CD164: variants seen among roughly 807,000 people sequenced by gnomAD.
CD164 encodes the protein sialomucin core protein 24.
In CD164, 11 loss-of-function variants were observed where a neutral mutation model predicts 24.6. The observed-to-expected ratio is 0.45, with a 90% CI of 0.28 to 0.74. The LOEUF (loss-of-function observed/expected upper bound fraction) is 0.74, where lower values mean the gene tolerates loss of function less well. Among genes scored for constraint, CD164 ranks in the 30% least tolerant of loss-of-function variants. The pLI is 0.13. For synonymous variants in CD164, 126 were observed against 100.3 expected, an observed-to-expected ratio of 1.26 and a Z score of -1.53; for missense variants, 295 against 243.7, an observed-to-expected ratio of 1.21 and a Z score of -1.40.
chr6:109,366,885 C>CA lies in CD164; in HGVS notation c.*1965dup, dbSNP rs1562232809. 3 of 152,174 alleles carry CA rather than the reference C, an allele frequency of 2.0e-5. No homozygotes were observed. Among genetic ancestry groups the CA allele is most frequent in the African/African-American group, 7.2e-5 (3 of 41,412 alleles). 9.4% of individuals were successfully genotyped at this position (152,174 alleles called of 1,614,324 possible). On this transcript the variant is annotated 3_prime_UTR_variant, in exon 6 of 6. Coordinates refer to ENST00000310786, the MANE Select transcript of CD164 (RefSeq NM_006016.6). ...TTATGCTTGTTGTTAGAGCAGTGCT[C>CA]AAAATTACAGAAGCTTCAAATTGTT... is the stretch of plus-strand genomic sequence containing the variant.
In CD164 at chr6:109,368,449, TCTC is replaced by T; in HGVS notation, c.*399_*401del. 7.2e-7 allele frequency: 1 copy of T among 1,395,484 alleles called. No homozygotes were observed. The allele number at this position is 1,395,484 out of a possible 1,614,324, so 86.4% of individuals were successfully genotyped here. A position where few individuals can be genotyped will look rare whatever the true frequency, so the allele number is the denominator to read the frequency against. ...ACAGCCAAAAATCCACCTAATTGAT[TCTC>T]ATTTGGCACGTTCTTCTCAATTCTG... On this transcript the variant is annotated 3_prime_UTR_variant, in exon 6 of 6. Coordinates refer to ENST00000310786, the MANE Select transcript of CD164 (RefSeq NM_006016.6).
intron 4 of CD164, among the ~76,000 whole-genome samples, chr6:109,373,707 C>A (rs553030938): frequency 1.3e-5 from 2 of 152,338 alleles, no homozygotes; most frequent in South Asian, 4.1e-4. Context: ...TCTCCAAACA[C>A]CTCTGGTTTC....
chr6:109,381,585 G>A (rs1771750494), intron 1 of CD164: 3 of 702,422 alleles, frequency 4.3e-6, no homozygotes. Context: ...ATACTTTGAA[G>A]TGTGAAGTTT....
chr6:109,376,450 A>G lies in CD164; in HGVS notation c.332-338T>C, dbSNP rs947835003. On this transcript the variant is annotated intron_variant, in intron 3 of 5. Coordinates refer to ENST00000310786, the MANE Select transcript of CD164 (RefSeq NM_006016.6). Reference sequence around the variant, plus strand: ...TTCTTCATCCTGCTGGCAGGAAAATAATCAATGTGATGGCTGGAACATAAG... The same window carrying G: ...TTCTTCATCCTGCTGGCAGGAAAATGATCAATGTGATGGCTGGAACATAAG... Among the ~76,000 whole-genome samples the G allele has an allele frequency of 1.1e-4, 17 of 152,342 alleles. No homozygotes were observed. The South Asian group carries it at 3.1e-3, about 28-fold the overall frequency.
chr6:109,368,603 C>T lies in CD164; in HGVS notation c.*248G>A. On this transcript the variant is annotated 3_prime_UTR_variant, in exon 6 of 6. Coordinates refer to ENST00000310786, the MANE Select transcript of CD164 (RefSeq NM_006016.6). ...GTTAAGGAAAAAAAATATAATCCCA[C>T]AGCAGCAGCTATTTAAAATAAGACA... The T allele has an allele frequency of 7.4e-7, 1 of 1,348,728 alleles. No individual in the cohort carries two copies. The highest frequency in any genetic ancestry group is 9.5e-7 in the Non-Finnish European group (1 of 1,056,316). The allele number at this position is 1,348,728 out of a possible 1,614,324, so 83.5% of individuals were successfully genotyped here.
At chr6:109,371,822 G>A (rs543463745) in intron 4 of CD164, 2 of 153,140 alleles carry the variant, frequency 1.3e-5, no homozygotes, top group East Asian at 3.9e-4. Flanking sequence ...CATTAGGTAA[G>A]TCAGGCTTCA....
At chr6:109,375,617 CAAAAAAAAAAAAA>C (rs1771352475) in intron 4 of CD164, among the ~76,000 whole-genome samples, 1 of 71,388 alleles carries the variant, frequency 1.4e-5, no homozygotes, top group Non-Finnish European at 3.5e-5. Flanking sequence ...ACTTCGCTTC[CAAAAAAAAAAAAA>C]GAAAAGAAAA....
chr6:109,378,444 G>GAA (rs35458975), intron 2 of CD164, among the ~76,000 whole-genome samples: 59 of 146,818 alleles, frequency 4.0e-4, no homozygotes, highest in Admixed American at 5.4e-4. Flanking sequence ...CTGTCTCAGG[G>GAA]AAAAAAAAAA....
intron 1 of CD164, 149 bp downstream of exon 1, chr6:109,382,055 G>A: frequency 1.7e-6 from 1 of 601,010 alleles, no homozygotes; most frequent in Admixed American, 4.5e-5. Flanking sequence ...CTCCAGGCTG[G>A]CCGCCATGTT....
chr6:109,370,997 G>GT (rs1771046095), intron 4 of CD164: 1 of 153,868 alleles, frequency 6.5e-6, no homozygotes, highest in Non-Finnish European at 1.4e-5. Context: ...AATGGGCATG[G>GT]TATGTTCCAA....
chr6:109,382,437 C>G lies in CD164; in HGVS notation c.-59G>C. Reference sequence around the variant, plus strand: ...AAGGCTCGCAACGCTCAGTCAACCCCTCAATCCCCTGCGGCGCCGCCTCCG... The same window carrying G: ...AAGGCTCGCAACGCTCAGTCAACCCGTCAATCCCCTGCGGCGCCGCCTCCG... On this transcript the variant is annotated 5_prime_UTR_variant, in exon 1 of 6. Coordinates refer to ENST00000310786, the MANE Select transcript of CD164 (RefSeq NM_006016.6). 2 of 1,399,626 alleles carry G rather than the reference C, an allele frequency of 1.4e-6. No individual in the cohort carries two copies. Among genetic ancestry groups the G allele is most frequent in the Non-Finnish European group, 1.9e-6 (2 of 1,064,514 alleles). The allele number at this position is 1,399,626 out of a possible 1,614,324, so 86.7% of individuals were successfully genotyped here.
At chr6:109,377,644 TAA>T (rs35168490) in intron 3 of CD164, among the ~76,000 whole-genome samples, 90 of 141,428 alleles carry the variant, frequency 6.4e-4, no homozygotes, top group Admixed American at 9.1e-4. Context: ...TAGAAAAGTT[TAA>T]AAAAAAAAAA....
chr6:109,382,301 G>T lies in CD164; in HGVS notation c.78C>A (p.Asn26Lys). 1 of 1,583,376 alleles carries T rather than the reference G, an allele frequency of 6.3e-7. No homozygotes were observed. The change falls in exon 1 of 6, where the codon AAC becomes AAA. Residue 26 changes from asparagine to lysine, a missense_variant. Transcript: ENST00000310786. ...GVLCVLSADK[N>K]TTQHPNVTTL... Reference sequence around the variant, plus strand: ...TCGTCACGTTCGGGTGCTGGGTCGTGTTCTTGTCCGCGGACAGCACGCAGA... The same window carrying T: ...TCGTCACGTTCGGGTGCTGGGTCGTTTTCTTGTCCGCGGACAGCACGCAGA...
intron 4 of CD164, 169 bp downstream of exon 4, chr6:109,375,905 C>G (rs1056289607): frequency 8.7e-6 from 5 of 574,104 alleles, no homozygotes; most frequent in South Asian, 4.7e-5. Context: ...CTATGTGTCA[C>G]TGTCACAAAA....
chr6:109,373,989 T>C (rs549525455), intron 4 of CD164, among the ~76,000 whole-genome samples: 1 of 152,336 alleles, frequency 6.6e-6, no homozygotes, highest in South Asian at 2.1e-4. Context: ...TGAGTTGTCC[T>C]TGTTACAGCA....
rs1388547380 is a variant in CD164, at chr6:109,368,968, A to G, written c.477T>C (p.Ser159=). 1 of 1,613,974 alleles carries G rather than the reference A, an allele frequency of 6.2e-7. No individual in the cohort carries two copies. Among genetic ancestry groups the G allele is most frequent in the South Asian group, 1.1e-5 (1 of 91,072 alleles). ...CAATGAAACTGGCTGCATCAAAGGTAGACTTTCGCACAGGTTGTGAGGTTG... is the reference window on the plus strand; with the variant it reads ...CAATGAAACTGGCTGCATCAAAGGTGGACTTTCGCACAGGTTGTGAGGTTG... ...VTPTSQPVRK[S]TFDAASFIGG... The change falls in exon 6 of 6, where the codon TCT becomes TCC. Residue 159 remains serine, a synonymous_variant. Transcript: ENST00000310786.
At position 109,366,862 on chromosome 6, in the gene CD164, ATGCT is replaced by A. The variant is rs1255789465; in HGVS notation, c.*1985_*1988del. 2 of 152,392 alleles carry A rather than the reference ATGCT, an allele frequency of 1.3e-5. No homozygotes were observed. The highest frequency in any genetic ancestry group is 2.9e-5 in the Non-Finnish European group (2 of 68,046). The allele number at this position is 152,392 out of a possible 1,614,324, so 9.4% of individuals were successfully genotyped here. On this transcript the variant is annotated 3_prime_UTR_variant, in exon 6 of 6. Coordinates refer to ENST00000310786, the MANE Select transcript of CD164 (RefSeq NM_006016.6). ...TGCAAAATCTAACTAATTTTATATT[ATGCT>A]TGTTGTTAGAGCAGTGCTCAAAATT...
chr6:109,382,355 C>T lies in CD164; in HGVS notation c.24G>A (p.Leu8=). ...CGCCCAGGCAGGTGGCGGCCCAAAGCAGTGAGCGGGAGAGCCGCGACATCG... is the reference window on the plus strand; with the variant it reads ...CGCCCAGGCAGGTGGCGGCCCAAAGTAGTGAGCGGGAGAGCCGCGACATCG... The part of the protein sequence containing the change: MSRLSRS[L]LWAATCLGVL... The change falls in exon 1 of 6, where the codon CTG becomes CTA. Residue 8 remains leucine (L), a synonymous_variant. Transcript: ENST00000310786. 1 of 1,557,800 alleles carries T rather than the reference C, an allele frequency of 6.4e-7. No individual in the cohort carries two copies. Among genetic ancestry groups the T allele is most frequent in the Non-Finnish European group, 8.6e-7 (1 of 1,157,724 alleles).
chr6:109,376,044 A>G (rs1019051993), intron 4 of CD164, 30 bp downstream of exon 4: 9 of 1,530,348 alleles, frequency 5.9e-6, no homozygotes, highest in Non-Finnish European at 7.9e-6. Flanking sequence ...ATACTGAAGG[A>G]AAAGGAAGAA....
Sources: gnomAD v4.1 joint callset for allele counts (sites outside exome capture counted in the v4.1 genomes callset) on GRCh38, gnomAD v4.1.1 for gene constraint, MANE v1.5 for transcripts, NCBI Gene and HGNC (gene_info 2026-07-23, HGNC 2026-07-21) for gene names.